Variants in NFE2L3 observed in about 807,000 individuals in gnomAD.
NFE2L3 encodes NFE2 like bZIP transcription factor 3, also known as nuclear factor erythroid 2-related factor 3.
NFE2L3 carries 18 observed loss-of-function variants against 23.5 expected under a neutral mutation model. The observed-to-expected ratio is 0.77, with a 90% CI of 0.53 to 1.13. NFE2L3 has a LOEUF of 1.13. Among genes scored for constraint, NFE2L3 ranks in the 50% most tolerant of loss-of-function variants. The probability of loss-of-function intolerance (pLI) is 0.00; values close to 1 mark genes in which losing one functional copy is unlikely to be tolerated. For missense variants in NFE2L3, 1,152 were observed against 877.2 expected, an observed-to-expected ratio of 1.31 and a Z score of -3.96; for synonymous variants, 424 against 354.5, an observed-to-expected ratio of 1.20 and a Z score of -2.20.
Position 26,172,316 on chromosome 7 carries a change from C to G in NFE2L3, c.571-5627C>G, listed in dbSNP as rs925276154. Among the ~76,000 whole-genome samples the G allele has an allele frequency of 3.3e-5, 5 of 152,282 alleles. No individual in the cohort carries two copies. The East Asian group carries it at 5.8e-4, about 18-fold the overall frequency. On this transcript the variant is annotated intron_variant, in intron 1 of 3. Transcript: ENST00000056233. ...CTTTTAAAAATGGCATATATATACC[C>G]TTTACCCAGATTTACCTATTTATGT...
intron 1 of NFE2L3, 43 bp downstream of exon 1, chr7:26,153,111 C>A: frequency 6.7e-7 from 1 of 1,487,426 alleles, no homozygotes; most frequent in Non-Finnish European, 8.9e-7. Flanking sequence ...GCGTCTACGC[C>A]GCCGGGAGCC....
At chr7:26,175,982 G>A (rs919554756) in intron 1 of NFE2L3, among the ~76,000 whole-genome samples, 1 of 151,320 alleles carries the variant, frequency 6.6e-6, no homozygotes. Context: ...AAGGTCTCTG[G>A]TTTTCCTAGG....
intron 1 of NFE2L3, among the ~76,000 whole-genome samples, chr7:26,164,107 C>T (rs1295719899): frequency 1.3e-5 from 2 of 152,180 alleles, no homozygotes; most frequent in African/African-American, 2.4e-5. Context: ...AATAGTGCCA[C>T]AATAAACATA....
chr7:26,178,203 G>A, intron 2 of NFE2L3, 81 bp downstream of exon 2: 2 of 1,257,242 alleles, frequency 1.6e-6, no homozygotes, highest in Non-Finnish European at 1.1e-6. Flanking sequence ...TGTCAAGAAT[G>A]AGCATGTAAA....
At position 26,183,646 on chromosome 7, in the gene NFE2L3, C is replaced by G. The variant is rs1008325320; in HGVS notation, c.751-55C>G. 24 of 1,084,116 alleles carry G rather than the reference C, an allele frequency of 2.2e-5. No homozygotes were observed. The East Asian group carries it at 5.4e-4, about 25-fold the overall frequency. 67.2% of individuals were successfully genotyped at this position (1,084,116 alleles called of 1,614,324 possible). ...GATCCTTTAAAGATAAAGCCTAAAG[C>G]CCCAACCAGTTCAGTCTTTTATGTG... is the stretch of plus-strand genomic sequence containing the variant. On this transcript the variant is annotated intron_variant, in intron 2 of 3. Transcript: ENST00000056233.
intron 1 of NFE2L3, among the ~76,000 whole-genome samples, chr7:26,155,243 GA>G (rs1485623088): frequency 1.3e-5 from 2 of 152,098 alleles, no homozygotes; most frequent in African/African-American, 4.8e-5. Flanking sequence ...AGGAGTTCGA[GA>G]CCAGACTGGG....
chr7:26,180,135 T>C (rs989293688), intron 2 of NFE2L3, among the ~76,000 whole-genome samples: 1 of 152,138 alleles, frequency 6.6e-6, no homozygotes, highest in Non-Finnish European at 1.5e-5. Context: ...TTTCTCATCG[T>C]TTATATTTCC....
chr7:26,160,802 GAAC>G (rs1315340320), intron 1 of NFE2L3, among the ~76,000 whole-genome samples: 2 of 152,214 alleles, frequency 1.3e-5, no homozygotes, highest in African/African-American at 4.8e-5. Flanking sequence ...AATGACTTAA[GAAC>G]AATAGCCTAG....
At chr7:26,154,943 C>T (rs1026956942) in intron 1 of NFE2L3, among the ~76,000 whole-genome samples, 2 of 152,290 alleles carry the variant, frequency 1.3e-5, no homozygotes, top group Non-Finnish European at 2.9e-5. Context: ...GTGAAGTTCC[C>T]CGAGAACCAT....
intron 1 of NFE2L3, 23 bp downstream of exon 1, chr7:26,153,091 G>C: frequency 6.6e-7 from 1 of 1,507,152 alleles, no homozygotes; most frequent in East Asian, 2.7e-5. Flanking sequence ...CGGGAAGCGA[G>C]CGAAGTGCGG....
chr7:26,176,789 C>T lies in NFE2L3; in HGVS notation c.571-1154C>T, dbSNP rs541315293. Among the ~76,000 whole-genome samples, 11 of 104,702 alleles carry T rather than the reference C, an allele frequency of 1.1e-4. No individual in the cohort carries two copies. In the East Asian group the frequency reaches 3.5e-3, roughly 34 times the overall value. 68.7% of individuals were successfully genotyped at this position (104,702 alleles called of 152,430 possible). On this transcript the variant is annotated intron_variant, in intron 1 of 3. Coordinates refer to ENST00000056233, the MANE Select transcript of NFE2L3 (RefSeq NM_004289.7). ...CCCAGACGGGGTGGCCAGGCAGAGG[C>T]GCTCCTCACTTCCCAGACGGGGTGG...
At chr7:26,174,456 C>G (rs1347815895) in intron 1 of NFE2L3, 1 of 152,098 alleles carries the variant, frequency 6.6e-6, no homozygotes, top group Admixed American at 6.6e-5. Flanking sequence ...ACTGTTGATG[C>G]AGAAGAGAGG....
chr7:26,165,217 T>C (rs948647864), intron 1 of NFE2L3, among the ~76,000 whole-genome samples: 1 of 152,248 alleles, frequency 6.6e-6, no homozygotes, highest in African/African-American at 2.4e-5. Context: ...GGGATGGCAT[T>C]GAATCTATAC....
At chr7:26,182,534 G>A (rs1053232904) in intron 2 of NFE2L3, among the ~76,000 whole-genome samples, 2 of 152,290 alleles carry the variant, frequency 1.3e-5, no homozygotes, top group East Asian at 1.9e-4. Flanking sequence ...TGACACACAA[G>A]AATCAATCAC....
At chr7:26,174,320 G>T (rs190866605) in intron 1 of NFE2L3, 7 of 152,340 alleles carry the variant, frequency 4.6e-5, no homozygotes, top group Admixed American at 1.3e-4. Flanking sequence ...GGTTTTTGCT[G>T]TCAAGGGGAG....
intron 2 of NFE2L3, among the ~76,000 whole-genome samples, chr7:26,181,205 G>A (rs1274990323): frequency 6.6e-6 from 1 of 152,120 alleles, no homozygotes; most frequent in African/African-American, 2.4e-5. Context: ...TCAAATTCCT[G>A]GGCTCAAGCA....
intron 2 of NFE2L3, among the ~76,000 whole-genome samples, chr7:26,180,175 G>A (rs1784481045): frequency 6.6e-6 from 1 of 152,072 alleles, no homozygotes. Context: ...AAGCTTCTGT[G>A]TCCCCAAACT....
chr7:26,185,491 G>T lies in NFE2L3; in HGVS notation c.1793G>T (p.Arg598Leu), dbSNP rs757558336. The stretch of plus-strand genomic sequence containing the variant: ...GTTGCTGCGCAGAACTGTCGTAAAC[G>T]CAAATTGGACATAATTTTGAATTTA... Reference protein sequence around the residue: ...NKVAAQNCRKRKLDIILNLED... With the variant: ...NKVAAQNCRKLKLDIILNLED... The change falls in exon 4 of 4, where the codon CGC becomes CTC. Residue 598 changes from arginine (R) to leucine (L), a missense_variant. By Grantham distance (102) the Arg-to-Leu change is moderately radical (BLOSUM62 -2). Transcript: ENST00000056233. The T allele has an allele frequency of 6.2e-6, 10 of 1,613,834 alleles. No individual in the cohort carries two copies. The East Asian group carries it at 2.0e-4, about 32-fold the overall frequency.
chr7:26,184,290 T>C, intron 3 of NFE2L3: 1 of 452,672 alleles, frequency 2.2e-6, no homozygotes, highest in African/African-American at 2.0e-5. Context: ...TTTAAGAAAA[T>C]CCAGTCAGCT....
Sources: gnomAD v4.1 joint callset for allele counts (sites outside exome capture counted in the v4.1 genomes callset) on GRCh38, gnomAD v4.1.1 for gene constraint, MANE v1.5 for transcripts, NCBI Gene and HGNC (gene_info 2026-07-23, HGNC 2026-07-21) for gene names.